CEMIP2: variants seen among roughly 807,000 people sequenced by gnomAD.
CEMIP2 encodes the protein cell migration inducing hyaluronidase 2.
In CEMIP2, 79 loss-of-function variants were observed where a neutral mutation model predicts 146.9. The observed-to-expected ratio is 0.54, with a 90% confidence interval of 0.45 to 0.65. The LOEUF (loss-of-function observed/expected upper bound fraction) is 0.65. Among genes scored for constraint, CEMIP2 ranks in the 30% least tolerant of loss-of-function variants. The pLI is 0.00. For synonymous variants in CEMIP2, 601 were observed against 606.3 expected, an observed-to-expected ratio of 0.99 and a Z score of 0.13; for missense variants, 1,596 against 1,696.2, an observed-to-expected ratio of 0.94 and a Z score of 1.04.
intron 23 of CEMIP2, 64 bp downstream of exon 23, chr9:71,685,679 G>T: frequency 7.4e-7 from 1 of 1,350,030 alleles, no homozygotes; most frequent in Non-Finnish European, 1.1e-6. Flanking sequence ...TAGCTGAATT[G>T]CACCATAAAA....
intron 1 of CEMIP2, among the ~76,000 whole-genome samples, chr9:71,759,801 T>A (rs1268056030): frequency 7.2e-6 from 1 of 138,318 alleles, no homozygotes; most frequent in Non-Finnish European, 1.5e-5. Flanking sequence ...GGGATAATTG[T>A]TCTCCTTGTT....
In CEMIP2 at chr9:71,736,590, A is replaced by C. The variant is rs575824703; in HGVS notation, c.1205-1596T>G. ...TTTCCTAATATCTTCTTTGAAAGTC[A>C]AAGTTAGTTCCCAGTTAAGCAGACA... On this transcript the variant is annotated intron_variant, in intron 5 of 23. Coordinates refer to ENST00000377044, the MANE Select transcript of CEMIP2 (RefSeq NM_013390.3). 2.7e-3 allele frequency among the ~76,000 whole-genome samples: 404 copies of C among 152,322 alleles called. 12 individuals are homozygous for C. The East Asian group carries it at 0.057, about 21-fold the overall frequency.
chr9:71,730,585 G>C, intron 8 of CEMIP2, 120 bp downstream of exon 8: 2 of 1,053,932 alleles, frequency 1.9e-6, no homozygotes, highest in South Asian at 3.4e-5. Context: ...GCTCAGAAAA[G>C]GCAGGATAGA....
chr9:71,699,835 CT>C (rs1183269669), intron 19 of CEMIP2, among the ~76,000 whole-genome samples: 1 of 152,128 alleles, frequency 6.6e-6, no homozygotes, highest in Admixed American at 6.5e-5. Context: ...TCACTGGTTA[CT>C]CTAGGCTGAA....
At chr9:71,751,297 T>C (rs1003388672) in intron 1 of CEMIP2, among the ~76,000 whole-genome samples, 2 of 152,184 alleles carry the variant, frequency 1.3e-5, no homozygotes, top group Non-Finnish European at 2.9e-5. Flanking sequence ...CTTGAAAATA[T>C]CAAGTCAGCT....
Position 71,730,910 on chromosome 9 carries a change from A to T in CEMIP2, c.1568T>A (p.Met523Lys), listed in dbSNP as rs756266287. Residue 523 changes from methionine to lysine, a missense_variant, in exon 8 of 24, where the codon ATG becomes AAG. Transcript: ENST00000377044. ...YDTFGGHIMI[M>K]KNFTSVHLSY... ...AAGATGGACTGAAGTAAAATTTTTC[A>T]TTATCTGTAAGTCAAGGTACTAAAA... is the stretch of plus-strand genomic sequence containing the variant. 1.9e-6 allele frequency: 3 copies of T among 1,614,090 alleles called. No homozygotes were observed. Among genetic ancestry groups the T allele is most frequent in the East Asian group, 4.5e-5 (2 of 44,882 alleles).
At position 71,685,804 on chromosome 9, in the gene CEMIP2, T is replaced by A; in HGVS notation, c.3894A>T (p.Leu1298Phe). 1.9e-6 allele frequency: 3 copies of A among 1,614,064 alleles called. No individual in the cohort carries two copies. The highest frequency in any genetic ancestry group is 2.5e-6 in the Non-Finnish European group (3 of 1,179,970). The change falls in exon 23 of 24, where the codon TTA becomes TTT. Residue 1298 changes from leucine (L) to phenylalanine (F), a missense_variant. Leu to Phe is a conservative substitution (Grantham distance 22). Coordinates refer to ENST00000377044, the MANE Select transcript of CEMIP2 (RefSeq NM_013390.3). ...LLSTRGEIKQ[L>F]NISHLLVPLG... is the part of the protein sequence containing the mutation. Reference sequence around the variant, plus strand: ...GAGGTACTAGTAAGTGTGAAATGTTTAACTGCTTTATTTCTCCTCTTGTGC... The same window carrying A: ...GAGGTACTAGTAAGTGTGAAATGTTAAACTGCTTTATTTCTCCTCTTGTGC...
intron 18 of CEMIP2, among the ~76,000 whole-genome samples, chr9:71,703,104 T>C (rs1240054362): frequency 3.9e-5 from 6 of 152,074 alleles, no homozygotes; most frequent in Admixed American, 3.9e-4. Flanking sequence ...GGACTAAGGA[T>C]TGGAGGTGGG....
At chr9:71,750,599 G>A (rs1421833412) in intron 1 of CEMIP2, among the ~76,000 whole-genome samples, 5 of 144,974 alleles carry the variant, frequency 3.4e-5, no homozygotes, top group Non-Finnish European at 6.0e-5. Context: ...GCACCACCAC[G>A]CCCAGCTAAT....
intron 1 of CEMIP2, among the ~76,000 whole-genome samples, chr9:71,750,838 C>T (rs1304371468): frequency 1.3e-5 from 2 of 152,068 alleles, no homozygotes; most frequent in South Asian, 2.1e-4. Context: ...TCTCGCACTC[C>T]TGGGCTCAAG....
chr9:71,693,380 C>T (rs985250269), intron 21 of CEMIP2, among the ~76,000 whole-genome samples: 8 of 152,232 alleles, frequency 5.3e-5, no homozygotes, highest in African/African-American at 1.9e-4. Flanking sequence ...GCTCTATGCG[C>T]AAATGCTAGT....
chr9:71,750,877 G>A (rs1189866945), intron 1 of CEMIP2, among the ~76,000 whole-genome samples: 4 of 152,080 alleles, frequency 2.6e-5, no homozygotes, highest in Non-Finnish European at 5.9e-5. Context: ...CTCCCGGGTA[G>A]CCAGGACTAC....
chr9:71,696,988 A>G (rs1563996022), intron 20 of CEMIP2, among the ~76,000 whole-genome samples: 2 of 152,196 alleles, frequency 1.3e-5, no homozygotes, highest in African/African-American at 2.4e-5. Context: ...AGTTTTCTCC[A>G]TATTAATAGG....
intron 20 of CEMIP2, 118 bp from the exon 21 acceptor site, chr9:71,694,725 T>A: frequency 1.5e-6 from 1 of 655,480 alleles, no homozygotes; most frequent in Non-Finnish European, 2.7e-6. Flanking sequence ...CTGAACTTTT[T>A]GTACATATTT....
At chr9:71,729,214 C>G (rs1589150374) in intron 10 of CEMIP2, among the ~76,000 whole-genome samples, 1 of 151,946 alleles carries the variant, frequency 6.6e-6, no homozygotes, top group Non-Finnish European at 1.5e-5. Flanking sequence ...ATATGAGAAG[C>G]CAGAAAGGTT....
chr9:71,695,721 G>A (rs754455910), intron 20 of CEMIP2, among the ~76,000 whole-genome samples: 50 of 152,020 alleles, frequency 3.3e-4, no homozygotes, highest in Non-Finnish European at 5.4e-4. Context: ...ATCCCAAGTC[G>A]GAAGCTGGGT....
chr9:71,756,506 T>TCTCTCTCACA (rs1010879160), intron 1 of CEMIP2, among the ~76,000 whole-genome samples: 24 of 112,496 alleles, frequency 2.1e-4, no homozygotes, highest in African/African-American at 7.8e-4. Flanking sequence ...TCTCTCTCTC[T>TCTCTCTCACA]CACACACACA....
intron 1 of CEMIP2, among the ~76,000 whole-genome samples, chr9:71,754,899 T>TA (rs35881443): frequency 0.87 from 131,420 of 150,924 alleles, 57,440 homozygotes; most frequent in Non-Finnish European, 0.9. Context: ...CAAATGCTGT[T>TA]AAAAAAAAAT....
chr9:71,709,760 T>C (rs1027030553), intron 16 of CEMIP2, among the ~76,000 whole-genome samples: 1 of 152,238 alleles, frequency 6.6e-6, no homozygotes, highest in Non-Finnish European at 1.5e-5. Flanking sequence ...TAAAAACTAT[T>C]ACCTGTTCTC....
Sources: allele counts gnomAD v4.1 joint callset (sites outside exome capture counted in the v4.1 genomes callset), GRCh38; gene constraint gnomAD v4.1.1; transcripts MANE v1.5; gene names NCBI Gene and HGNC (gene_info 2026-07-23, HGNC 2026-07-21).